The following EPC2 variants were observed in gnomAD, a reference collection of about 807,000 sequenced individuals.
EPC2 encodes enhancer of polycomb homolog 2.
Under a neutral mutation model 92.1 loss-of-function variants are expected in EPC2, and 14 were observed. The ratio of observed to expected loss-of-function variants is 0.15; its 90% CI spans 0.10 to 0.24. The LOEUF (loss-of-function observed/expected upper bound fraction) is 0.24. Among genes scored for constraint, EPC2 ranks in the 10% least tolerant of loss-of-function variants. The pLI, the probability that EPC2 is intolerant of heterozygous loss-of-function variation, is 1.00. For missense variants in EPC2, 755 were observed against 971.5 expected (o/e 0.78, Z 2.96); for synonymous variants, 340 against 334.7 (o/e 1.02, Z -0.17).
In EPC2 at chr2:148,762,833, GATGGTA is replaced by G. The variant is rs747427985; in HGVS notation, c.948+35_948+40del. On this transcript the variant is annotated intron_variant, in intron 6 of 13. Coordinates refer to ENST00000258484, the MANE Select transcript of EPC2 (RefSeq NM_015630.4). ...TATTGTCTGGGAAGAAGCATGTATG[GATGGTA>G]ATGTTGATCAGAGGAGTTATTGATT... 3.8e-6 allele frequency: 6 copies of G among 1,577,646 alleles called. No individual in the cohort carries two copies. The African/African-American group carries it at 6.8e-5, about 18-fold the overall frequency.
At chr2:148,651,494 A>G (rs1410100929) in intron 1 of EPC2, among the ~76,000 whole-genome samples, 2 of 152,172 alleles carry the variant, frequency 1.3e-5, no homozygotes, top group South Asian at 2.1e-4. Flanking sequence ...AGGGGTGGAG[A>G]TTAGGTTGGA....
intron 2 of EPC2, among the ~76,000 whole-genome samples, chr2:148,727,967 A>G (rs1682530243): frequency 6.6e-6 from 1 of 152,186 alleles, no homozygotes; most frequent in Admixed American, 6.5e-5. Context: ...TAGGGTTTCA[A>G]GCACATAGGA....
chr2:148,770,282 C>T (rs931478227), intron 8 of EPC2, among the ~76,000 whole-genome samples: 4 of 152,132 alleles, frequency 2.6e-5, no homozygotes, highest in Non-Finnish European at 5.9e-5. Flanking sequence ...TCTAGTGATC[C>T]TCCTGTCTTG....
intron 2 of EPC2, among the ~76,000 whole-genome samples, chr2:148,712,711 C>T (rs183372448): frequency 1.2e-3 from 179 of 151,914 alleles, no homozygotes; most frequent in Admixed American, 4.5e-3. Context: ...GCAGAGACTC[C>T]GTCTCTACAA....
At chr2:148,785,960 G>C (rs1683858500) in intron 13 of EPC2, among the ~76,000 whole-genome samples, 1 of 151,716 alleles carries the variant, frequency 6.6e-6, no homozygotes, top group African/African-American at 2.4e-5. Flanking sequence ...TATTCTTTTT[G>C]AGTGTCATAT....
chr2:148,775,733 A>AATTT (rs1683626147), intron 10 of EPC2, among the ~76,000 whole-genome samples: 2 of 136,458 alleles, frequency 1.5e-5, no homozygotes, highest in South Asian at 2.2e-4. Flanking sequence ...AAATATCTTT[A>AATTT]AATATCTTTA....
intron 2 of EPC2, among the ~76,000 whole-genome samples, chr2:148,729,766 A>G (rs1004335606): frequency 1.4e-4 from 21 of 152,180 alleles, no homozygotes; most frequent in Non-Finnish European, 1.3e-4. Context: ...ATATTCTTGT[A>G]TCCCCTAGAT....
intron 2 of EPC2, among the ~76,000 whole-genome samples, chr2:148,716,469 C>T (rs1286293693): frequency 6.6e-6 from 1 of 152,164 alleles, no homozygotes. Flanking sequence ...TTTTCTCCAT[C>T]TGTTGAGATA....
chr2:148,753,718 C>T (rs1683121418), intron 3 of EPC2, among the ~76,000 whole-genome samples: 1 of 152,194 alleles, frequency 6.6e-6, no homozygotes, highest in African/African-American at 2.4e-5. Flanking sequence ...GTACAACTCA[C>T]TGTCTCTCAG....
chr2:148,674,431 CA>C (rs1317114942), intron 1 of EPC2, among the ~76,000 whole-genome samples: 3 of 152,170 alleles, frequency 2.0e-5, no homozygotes, highest in Non-Finnish European at 4.4e-5. Flanking sequence ...ATGCATTTTC[CA>C]CTCTTCCATT....
chr2:148,758,819 A>G (rs1460297092), intron 4 of EPC2, among the ~76,000 whole-genome samples: 1 of 152,216 alleles, frequency 6.6e-6, no homozygotes, highest in African/African-American at 2.4e-5. Flanking sequence ...CTAACTCCTA[A>G]TATGACATGA....
At chr2:148,698,339 TAAG>T (rs960263438) in intron 2 of EPC2, among the ~76,000 whole-genome samples, 5 of 152,090 alleles carry the variant, frequency 3.3e-5, no homozygotes, top group African/African-American at 1.2e-4. Flanking sequence ...ATTACTGGCT[TAAG>T]AATCTCCTGT....
At chr2:148,677,005 G>C (rs1195882694) in intron 1 of EPC2, among the ~76,000 whole-genome samples, 1 of 152,012 alleles carries the variant, frequency 6.6e-6, no homozygotes, top group Non-Finnish European at 1.5e-5. Flanking sequence ...AAAGTATAAC[G>C]CAGCATGTAA....
chr2:148,737,388 A>G (rs1276422148), intron 2 of EPC2, among the ~76,000 whole-genome samples: 2 of 152,190 alleles, frequency 1.3e-5, no homozygotes, highest in Admixed American at 6.5e-5. Context: ...TATTACCTCT[A>G]TCCCTGCCTC....
chr2:148,738,061 C>T (rs1682802188), intron 2 of EPC2, among the ~76,000 whole-genome samples: 1 of 152,128 alleles, frequency 6.6e-6, no homozygotes, highest in African/African-American at 2.4e-5. Flanking sequence ...ATTTATAACT[C>T]TGAAAATTTA....
At chr2:148,649,792 CTG>C (rs1680632630) in intron 1 of EPC2, among the ~76,000 whole-genome samples, 1 of 152,192 alleles carries the variant, frequency 6.6e-6, no homozygotes, top group Non-Finnish European at 1.5e-5. Context: ...ATCTTCTGAA[CTG>C]TGATTAAGTT....
intron 1 of EPC2, 35 bp from the exon 2 acceptor site, chr2:148,690,179 A>T (rs1245358233): frequency 6.4e-7 from 1 of 1,551,278 alleles, no homozygotes; most frequent in South Asian, 1.3e-5. Flanking sequence ...TAATATTACT[A>T]AAACAACTTA....
chr2:148,651,921 G>T (rs1680695682), intron 1 of EPC2, among the ~76,000 whole-genome samples: 1 of 152,132 alleles, frequency 6.6e-6, no homozygotes, highest in African/African-American at 2.4e-5. Flanking sequence ...GAACATGCTA[G>T]AGCCAGAATT....
intron 4 of EPC2, among the ~76,000 whole-genome samples, chr2:148,755,316 A>G (rs1240091979): frequency 6.6e-6 from 1 of 152,190 alleles, no homozygotes; most frequent in Non-Finnish European, 1.5e-5. Flanking sequence ...GTTCATAAAT[A>G]TATTAAGACT....
Sources: gnomAD v4.1 joint callset for allele counts (sites outside exome capture counted in the v4.1 genomes callset) on GRCh38, gnomAD v4.1.1 for gene constraint, MANE v1.5 for transcripts, NCBI Gene and HGNC (gene_info 2026-07-23, HGNC 2026-07-21) for gene names.